Variants in PCDH7 observed in about 807,000 individuals in gnomAD.
PCDH7 encodes protocadherin 7, also known as protocadherin-7.
In PCDH7, 17 loss-of-function variants were observed where a neutral mutation model predicts 58.9. That is an observed-to-expected ratio of 0.29 (90% confidence interval 0.20 to 0.43). PCDH7 has a LOEUF of 0.43. Ranked by LOEUF, PCDH7 falls within the 20% of genes least tolerant of loss-of-function variation. PCDH7 has a pLI of 1.00. For synonymous variants in PCDH7, 664 were observed against 616.4 expected (o/e 1.08, Z -1.14); for missense variants, 1,274 against 1,441.0 (o/e 0.88, Z 1.88).
chr4:30,822,838 G>GA (rs752515444), intron 1 of PCDH7, among the ~76,000 whole-genome samples: 1 of 152,142 alleles, frequency 6.6e-6, no homozygotes, highest in Non-Finnish European at 1.5e-5. Flanking sequence ...AGTGGTAACA[G>GA]AAACCTTTAG....
chr4:30,972,207 T>A (rs1347473236), intron 3 of PCDH7, among the ~76,000 whole-genome samples: 1 of 152,188 alleles, frequency 6.6e-6, no homozygotes, highest in Non-Finnish European at 1.5e-5. Context: ...GCTCCAATTT[T>A]TCTTAATCTG....
intron 3 of PCDH7, among the ~76,000 whole-genome samples, chr4:31,109,216 A>G (rs549174997): frequency 1.3e-5 from 2 of 152,300 alleles, no homozygotes; most frequent in African/African-American, 2.4e-5. Flanking sequence ...CTACCATGTG[A>G]GGGGAAAAAC....
At chr4:31,009,972 G>T (rs1312609632) in intron 3 of PCDH7, among the ~76,000 whole-genome samples, 1 of 151,932 alleles carries the variant, frequency 6.6e-6, no homozygotes, top group African/African-American at 2.4e-5. Context: ...TGCCATTTTT[G>T]AATTATATGC....
downstream of PCDH7, among the ~76,000 whole-genome samples, chr4:30,733,501 C>A (rs901670752): frequency 2.0e-5 from 3 of 151,952 alleles, no homozygotes; most frequent in African/African-American, 7.3e-5. Flanking sequence ...TTATGTTGCC[C>A]AGGTTGGATT....
At chr4:31,018,429 C>T (rs1328463206) in intron 3 of PCDH7, among the ~76,000 whole-genome samples, 8 of 152,156 alleles carry the variant, frequency 5.3e-5, no homozygotes, top group Admixed American at 5.2e-4. Context: ...TATCCTTAAA[C>T]TTCAATTTAC....
intron 3 of PCDH7, among the ~76,000 whole-genome samples, chr4:31,131,387 C>T (rs1194885397): frequency 6.6e-6 from 1 of 152,118 alleles, no homozygotes; most frequent in African/African-American, 2.4e-5. Flanking sequence ...TCTTCCTTTT[C>T]CTTTTATTTA....
chr4:31,009,821 T>C (rs1303629524), intron 3 of PCDH7, among the ~76,000 whole-genome samples: 1 of 151,812 alleles, frequency 6.6e-6, no homozygotes, highest in East Asian at 1.9e-4. Context: ...AAGATGGAGC[T>C]CAATAGTTGA....
intron 1 of PCDH7, among the ~76,000 whole-genome samples, chr4:30,727,996 G>T (rs1714870111): frequency 6.6e-6 from 1 of 151,682 alleles, no homozygotes; most frequent in Non-Finnish European, 1.5e-5. Context: ...CAAGAGCTTA[G>T]TTTGAATAAA....
chr4:30,876,775 A>G (rs567590325), intron 1 of PCDH7, among the ~76,000 whole-genome samples: 3 of 152,126 alleles, frequency 2.0e-5, no homozygotes, highest in Admixed American at 6.6e-5. Context: ...TCTGGAATAC[A>G]TATGCAGAAT....
At chr4:30,747,503 T>C (rs1303710833) in intron 1 of PCDH7, among the ~76,000 whole-genome samples, 1 of 152,172 alleles carries the variant, frequency 6.6e-6, no homozygotes, top group Non-Finnish European at 1.5e-5. Flanking sequence ...TCTTGTCTTC[T>C]CTAGCTTCTA....
At chr4:30,800,500 G>A (rs1725396869) in intron 1 of PCDH7, among the ~76,000 whole-genome samples, 4 of 152,054 alleles carry the variant, frequency 2.6e-5, no homozygotes, top group Admixed American at 2.0e-4. Context: ...TTTTGAATTT[G>A]AATATAGGAA....
intron 1 of PCDH7, among the ~76,000 whole-genome samples, chr4:30,885,828 A>G (rs1737659091): frequency 6.6e-6 from 1 of 152,116 alleles, no homozygotes; most frequent in Non-Finnish European, 1.5e-5. Flanking sequence ...CATATCTACA[A>G]CTATCTGATC....
chr4:30,870,920 A>G (rs1735497147), intron 1 of PCDH7, among the ~76,000 whole-genome samples: 4 of 152,130 alleles, frequency 2.6e-5, no homozygotes, highest in South Asian at 4.1e-4. Context: ...CTATGCCCCA[A>G]ATTCTGAGGT....
At chr4:30,863,913 A>G (rs1734531164) in intron 1 of PCDH7, among the ~76,000 whole-genome samples, 1 of 152,098 alleles carries the variant, frequency 6.6e-6, no homozygotes, top group Non-Finnish European at 1.5e-5. Flanking sequence ...GGCTGACTGT[A>G]ACTCAGACAT....
intron 3 of PCDH7, among the ~76,000 whole-genome samples, chr4:31,046,903 T>A (rs1756338976): frequency 6.6e-6 from 1 of 152,032 alleles, no homozygotes; most frequent in Admixed American, 6.6e-5. Context: ...AAATCCAACA[T>A]AAGCATTTAT....
chr4:31,117,183 A>G (rs2109318842), intron 3 of PCDH7, among the ~76,000 whole-genome samples: 1 of 152,220 alleles, frequency 6.6e-6, no homozygotes, highest in East Asian at 1.9e-4. Context: ...CTCCCGGCCT[A>G]GGTTTTATGT....
intron 3 of PCDH7, among the ~76,000 whole-genome samples, chr4:31,104,391 G>A (rs951466737): frequency 6.6e-6 from 1 of 152,064 alleles, no homozygotes; most frequent in African/African-American, 2.4e-5. Flanking sequence ...TTTCTCATAC[G>A]CACCCCTTCT....
intron 1 of PCDH7, among the ~76,000 whole-genome samples, chr4:30,807,267 T>G (rs1319040595): frequency 6.6e-6 from 1 of 152,248 alleles, no homozygotes; most frequent in African/African-American, 2.4e-5. Context: ...AAGATTCTAT[T>G]TGTTTTTATC....
chr4:31,090,469 C>A (rs1194250297), intron 3 of PCDH7, among the ~76,000 whole-genome samples: 1 of 152,048 alleles, frequency 6.6e-6, no homozygotes, highest in African/African-American at 2.4e-5. Flanking sequence ...AATTATTTGA[C>A]TATAGTCACC....
Sources: allele counts gnomAD v4.1 joint callset (sites outside exome capture counted in the v4.1 genomes callset), GRCh38; gene constraint gnomAD v4.1.1; transcripts MANE v1.5; gene names NCBI Gene and HGNC (gene_info 2026-07-23, HGNC 2026-07-21).